Variants in ZNF345 observed in about 807,000 individuals in gnomAD.
ZNF345 encodes the protein zinc finger protein 345.
For missense variants in ZNF345, 527 were observed against 589.9 expected (o/e 0.89, Z 1.10); for synonymous variants, 166 against 187.9 (o/e 0.88, Z 0.95).
At chr19:36,880,557 G>T (rs1215312355), downstream of ZNF345, among the ~76,000 whole-genome samples, 1 of 152,064 alleles carries the variant, frequency 6.6e-6, no homozygotes, top group African/African-American at 2.4e-5. Context: ...GGGAGGCTGA[G>T]GCAGGAGGAT....
At chr19:36,875,311 A>T (rs889125651) in intron 2 of ZNF345, among the ~76,000 whole-genome samples, 1 of 152,214 alleles carries the variant, frequency 6.6e-6, no homozygotes, top group Non-Finnish European at 1.5e-5. Flanking sequence ...TATTTTAAAG[A>T]TACATCATTT....
chr19:36,890,678 TA>T (rs1249427271), intron 3 of ZNF345: 2 of 89,076 alleles, frequency 2.2e-5, no homozygotes, highest in African/African-American at 4.3e-5. Context: ...CCGTCGCTAC[TA>T]AAAATACAAA....
Position 36,878,375 on chromosome 19 carries a change from T to G in ZNF345, c.*78T>G, listed in dbSNP as rs948245281. On this transcript the variant is annotated 3_prime_UTR_variant, in exon 3 of 3. Coordinates refer to ENST00000420450, the MANE Select transcript of ZNF345 (RefSeq NM_001242472.2). Reference sequence around the variant, plus strand: ...TGGTGAAAATCTCTACAAATAGAACTAAGGTACAAATGCCTTACTTATGCT... The same window carrying G: ...TGGTGAAAATCTCTACAAATAGAACGAAGGTACAAATGCCTTACTTATGCT... 4 of 1,402,516 alleles carry G rather than the reference T, an allele frequency of 2.9e-6. No individual in the cohort carries two copies. The African/African-American group carries it at 5.8e-5, about 20-fold the overall frequency. The allele number at this position is 1,402,516 out of a possible 1,614,324, so 86.9% of individuals were successfully genotyped here.
At chr19:36,892,320 T>G in intron 3 of ZNF345, 1 of 1,613,874 alleles carries the variant, frequency 6.2e-7, no homozygotes, top group Admixed American at 1.7e-5. Context: ...ATATCTTACA[T>G]TCCCATGGTT....
chr19:36,877,643 A>G lies in ZNF345; in HGVS notation c.813A>G (p.Ser271=). 1.2e-6 allele frequency: 2 copies of G among 1,614,144 alleles called. No homozygotes were observed. Residue 271 remains serine (S), a synonymous_variant, in exon 3 of 3, where the codon TCA becomes TCG. Transcript: ENST00000420450. ...NECGKAFSFG[S]ALTRHQRIHT... The stretch of plus-strand genomic sequence containing the variant: ...GTGGTAAGGCCTTTAGTTTTGGATC[A>G]GCCCTTACTCGACATCAAAGAATTC...
intron 3 of ZNF345, chr19:36,891,344 G>T (rs184064421): frequency 2.7e-6 from 2 of 750,484 alleles, no homozygotes; most frequent in Admixed American, 3.6e-5. Context: ...AAGCCACCAA[G>T]GTTTTGGTAC....
intron 2 of ZNF345, among the ~76,000 whole-genome samples, chr19:36,868,061 G>A (rs2072697123): frequency 6.8e-6 from 1 of 147,764 alleles, no homozygotes; most frequent in Non-Finnish European, 1.5e-5. Context: ...AGAGTGCAGT[G>A]GTGAAATCTC....
intron 2 of ZNF345, chr19:36,858,273 A>T (rs2072466050): frequency 6.5e-6 from 1 of 153,260 alleles, no homozygotes. Flanking sequence ...GGAACAAAGA[A>T]ATCTGTAACT....
chr19:36,854,747 A>G (rs2072368164), intron 2 of ZNF345, among the ~76,000 whole-genome samples: 1 of 152,122 alleles, frequency 6.6e-6, no homozygotes. Flanking sequence ...GTAAATGTAG[A>G]TATTTATTGT....
chr19:36,871,347 C>A (rs10418453), intron 2 of ZNF345, among the ~76,000 whole-genome samples: 25,245 of 152,138 alleles, frequency 0.17, 2,450 homozygotes, highest in Middle Eastern at 0.27. Flanking sequence ...AACATTCAGA[C>A]TCTATCATCC....
rs559952114 is a variant in ZNF345, at chr19:36,877,267, A to T, written c.437A>T (p.Tyr146Phe). 6.2e-7 allele frequency: 1 copy of T among 1,613,946 alleles called. No individual in the cohort carries two copies. Among genetic ancestry groups the T allele is most frequent in the South Asian group, 1.1e-5 (1 of 91,060 alleles). Residue 146 changes from tyrosine (Y) to phenylalanine (F), a missense_variant, in exon 3 of 3, where the codon TAT becomes TTT. Coordinates refer to ENST00000420450, the MANE Select transcript of ZNF345 (RefSeq NM_001242472.2). ...HQRIHTGEKP[Y>F]ECKECGKAFS... ...AGAATTCATACTGGTGAGAAACCCT[A>T]TGAGTGTAAGGAATGTGGGAAAGCC... is the stretch of plus-strand genomic sequence containing the variant.
chr19:36,871,184 G>C (rs995427136), intron 2 of ZNF345, among the ~76,000 whole-genome samples: 2 of 152,192 alleles, frequency 1.3e-5, no homozygotes, highest in African/African-American at 4.8e-5. Flanking sequence ...AAAAGGGAAA[G>C]GCAGTCCTCT....
chr19:36,891,676 C>A, intron 3 of ZNF345: 1 of 1,613,708 alleles, frequency 6.2e-7, no homozygotes, highest in Non-Finnish European at 8.5e-7. Context: ...TGTATGGATT[C>A]TCTGATGTTG....
At chr19:36,866,659 C>T (rs1469634845) in intron 2 of ZNF345, among the ~76,000 whole-genome samples, 1 of 152,172 alleles carries the variant, frequency 6.6e-6, no homozygotes, top group Non-Finnish European at 1.5e-5. Flanking sequence ...AGTGATTCTC[C>T]TGCCTCAGCC....
At chr19:36,860,621 G>T (rs1845725195) in intron 2 of ZNF345, among the ~76,000 whole-genome samples, 1 of 152,070 alleles carries the variant, frequency 6.6e-6, no homozygotes, top group Non-Finnish European at 1.5e-5. Flanking sequence ...TTACATTCAG[G>T]CTATGAATTT....
At chr19:36,892,379 TA>T (rs1381746366) in intron 3 of ZNF345, 1 of 1,613,216 alleles carries the variant, frequency 6.2e-7, no homozygotes, top group East Asian at 2.2e-5. Context: ...GTGGGCTGAA[TA>T]AAAGTAGACA....
At chr19:36,883,211 T>C (rs1034340982), downstream of ZNF345, among the ~76,000 whole-genome samples, 4 of 152,206 alleles carry the variant, frequency 2.6e-5, no homozygotes, top group Admixed American at 2.6e-4. Context: ...TTACTCAATT[T>C]CTATGAAATC....
At chr19:36,892,870 C>A in exon 4 of ZNF345, 1 of 1,157,822 alleles carries the variant, frequency 8.6e-7, no homozygotes, top group South Asian at 4.0e-5. Flanking sequence ...CGTCGTACAG[C>A]TTGTGGAGCT....
intron 3 of ZNF345, chr19:36,892,512 G>A: frequency 6.6e-7 from 1 of 1,514,418 alleles, no homozygotes; most frequent in Non-Finnish European, 8.8e-7. Context: ...TCCTATTCTG[G>A]GCAAGTTAAA....
Sources: gnomAD v4.1 joint callset for allele counts (sites outside exome capture counted in the v4.1 genomes callset) on GRCh38, gnomAD v4.1.1 for gene constraint, MANE v1.5 for transcripts, NCBI Gene and HGNC (gene_info 2026-07-23, HGNC 2026-07-21) for gene names.